Variants in STEAP1B observed in about 807,000 individuals in gnomAD.
STEAP1B encodes the protein STEAP family member 1B.
STEAP1B carries 13 observed loss-of-function variants against 27.9 expected under a neutral mutation model. The observed-to-expected ratio is 0.47, with a 90% CI of 0.30 to 0.74. STEAP1B has a LOEUF of 0.74. STEAP1B is among the 30% of genes least tolerant of loss of function. STEAP1B has a pLI of 0.06. For missense variants in STEAP1B, 250 were observed against 298.7 expected, an observed-to-expected ratio of 0.84 and a Z score of 1.20; for synonymous variants, 86 against 107.1, an observed-to-expected ratio of 0.80 and a Z score of 1.22.
chr7:22,425,505 T>C (rs1785094823), intron 4 of STEAP1B, among the ~76,000 whole-genome samples: 1 of 152,066 alleles, frequency 6.6e-6, no homozygotes, highest in Non-Finnish European at 1.5e-5. Flanking sequence ...AAACAGTCAG[T>C]TGGCATCATA....
intron 4 of STEAP1B, among the ~76,000 whole-genome samples, chr7:22,479,324 C>T (rs1442637624): frequency 6.6e-6 from 1 of 152,160 alleles, no homozygotes; most frequent in African/African-American, 2.4e-5. Flanking sequence ...CATTTGCCCA[C>T]TCGAGAATCC....
chr7:22,475,545 C>T (rs1354843056), intron 4 of STEAP1B, among the ~76,000 whole-genome samples: 3 of 152,194 alleles, frequency 2.0e-5, no homozygotes, highest in Non-Finnish European at 2.9e-5. Flanking sequence ...CTAGTTTAAA[C>T]TTTTTGCAGA....
At chr7:22,429,482 T>A (rs1294562845) in intron 4 of STEAP1B, among the ~76,000 whole-genome samples, 1 of 152,204 alleles carries the variant, frequency 6.6e-6, no homozygotes, top group Non-Finnish European at 1.5e-5. Context: ...CCCCAGTAGA[T>A]GTCTGAAGAG....
intron 4 of STEAP1B, among the ~76,000 whole-genome samples, chr7:22,430,127 T>G (rs1165897782): frequency 3.3e-5 from 5 of 152,228 alleles, no homozygotes; most frequent in Non-Finnish European, 7.3e-5. Flanking sequence ...CATATATGTT[T>G]ACGTTATTTT....
intron 4 of STEAP1B, among the ~76,000 whole-genome samples, chr7:22,468,022 C>T (rs926322254): frequency 6.6e-6 from 1 of 152,098 alleles, no homozygotes; most frequent in East Asian, 1.9e-4. Flanking sequence ...ATGAAGATAT[C>T]CCATGTAATA....
chr7:22,428,129 C>G lies in STEAP1B; in HGVS notation c.763-8293G>C, dbSNP rs530681851. Among the ~76,000 whole-genome samples, 9 of 152,240 alleles carry G rather than the reference C, an allele frequency of 5.9e-5. No individual in the cohort carries two copies. In the South Asian group the frequency reaches 1.9e-3, roughly 32 times the overall value. On this transcript the variant is annotated intron_variant, in intron 4 of 4. Transcript: ENST00000678116. The stretch of plus-strand genomic sequence containing the variant: ...GATGGAATCTGCCCTGAGAAGTGAG[C>G]CTGAACTTAGCACGGCAGCCAAGGG...
At chr7:22,479,548 G>A (rs73684090) in intron 4 of STEAP1B, among the ~76,000 whole-genome samples, 27,925 of 151,964 alleles carry the variant, frequency 0.18, 2,786 homozygotes, top group East Asian at 0.39. Context: ...AATCTTTTAT[G>A]TGTAACTTGC....
chr7:22,451,150 T>C (rs978730755), intron 4 of STEAP1B, among the ~76,000 whole-genome samples: 1 of 151,850 alleles, frequency 6.6e-6, no homozygotes, highest in Non-Finnish European at 1.5e-5. Context: ...TGAGCTGAGA[T>C]TGCGTCACTG....
At chr7:22,492,448 C>G in intron 4 of STEAP1B, 117 bp downstream of exon 4, 1 of 1,367,136 alleles carries the variant, frequency 7.3e-7, no homozygotes, top group South Asian at 1.9e-5. Flanking sequence ...GGAACAAGTA[C>G]AAGATCTTTG....
chr7:22,446,558 T>G (rs1469422407), intron 4 of STEAP1B, among the ~76,000 whole-genome samples: 1 of 152,232 alleles, frequency 6.6e-6, no homozygotes, highest in African/African-American at 2.4e-5. Context: ...ACAAGCAAGT[T>G]GTGCAAACCC....
intron 4 of STEAP1B, among the ~76,000 whole-genome samples, chr7:22,485,070 T>C (rs548321260): frequency 6.6e-6 from 1 of 152,364 alleles, no homozygotes; most frequent in East Asian, 1.9e-4. Context: ...GCTGTGAAGA[T>C]TGTTACAATG....
chr7:22,499,064 A>G (rs1786490190), intron 1 of STEAP1B, among the ~76,000 whole-genome samples: 1 of 152,246 alleles, frequency 6.6e-6, no homozygotes, highest in Admixed American at 6.5e-5. Flanking sequence ...ATCTTTTCAT[A>G]AAAAGAAAAA....
At position 22,431,460 on chromosome 7, in the gene STEAP1B, C is replaced by T. The variant is rs535470507; in HGVS notation, c.763-11624G>A. ...TCTGAATTGGGTTGTGTGTTCTAAACCAAGCGCTGTGGCCTGGCGATGAAG... is the reference window on the plus strand; with the variant it reads ...TCTGAATTGGGTTGTGTGTTCTAAATCAAGCGCTGTGGCCTGGCGATGAAG... On this transcript the variant is annotated intron_variant, in intron 4 of 4. Transcript: ENST00000678116. Among the ~76,000 whole-genome samples, 7 of 152,282 alleles carry T rather than the reference C, an allele frequency of 4.6e-5. No homozygotes were observed. The South Asian group carries it at 1.5e-3, about 32-fold the overall frequency.
chr7:22,459,928 A>G (rs1032707926), intron 4 of STEAP1B, among the ~76,000 whole-genome samples: 1 of 152,104 alleles, frequency 6.6e-6, no homozygotes, highest in Non-Finnish European at 1.5e-5. Context: ...TCCCACCACA[A>G]TAGCGTAATT....
intron 4 of STEAP1B, among the ~76,000 whole-genome samples, chr7:22,453,102 G>C (rs551834293): frequency 6.6e-6 from 1 of 152,300 alleles, no homozygotes; most frequent in East Asian, 1.9e-4. Context: ...CAGTCAGGAA[G>C]ACATTATTTT....
intron 3 of STEAP1B, among the ~76,000 whole-genome samples, 185 bp downstream of exon 3, chr7:22,493,139 T>G (rs16881814): frequency 1.3e-5 from 2 of 152,172 alleles, no homozygotes; most frequent in Admixed American, 1.3e-4. Context: ...TTAAAAAACA[T>G]TTCTCAATAT....
chr7:22,465,956 C>T (rs376449205), intron 4 of STEAP1B, among the ~76,000 whole-genome samples: 5 of 152,124 alleles, frequency 3.3e-5, no homozygotes, highest in East Asian at 3.9e-4. Context: ...TCATGTTCCA[C>T]GGGACAGGCC....
intron 4 of STEAP1B, among the ~76,000 whole-genome samples, chr7:22,452,928 C>G (rs934472721): frequency 1.3e-5 from 2 of 152,176 alleles, no homozygotes; most frequent in Non-Finnish European, 2.9e-5. Context: ...TGAGCTTTTT[C>G]TCCTTTGAAT....
intron 4 of STEAP1B, among the ~76,000 whole-genome samples, chr7:22,445,995 G>C (rs548657206): frequency 6.6e-6 from 1 of 152,320 alleles, no homozygotes; most frequent in East Asian, 1.9e-4. Context: ...CTTTATTTAT[G>C]AAGCATGGGC....
Sources: allele counts gnomAD v4.1 joint callset (sites outside exome capture counted in the v4.1 genomes callset), GRCh38; gene constraint gnomAD v4.1.1; transcripts MANE v1.5; gene names NCBI Gene and HGNC (gene_info 2026-07-23, HGNC 2026-07-21).